CAMTA1: variants seen among roughly 807,000 people sequenced by gnomAD.
The protein encoded by CAMTA1 is calmodulin binding transcription activator 1.
A neutral mutation model predicts 170.9 loss-of-function variants in CAMTA1; 27 were observed. The ratio of observed to expected loss-of-function variants is 0.16; its 90% confidence interval spans 0.12 to 0.22. The LOEUF is 0.22. CAMTA1 is among the 10% of genes least tolerant of loss of function. The pLI, the probability that CAMTA1 is intolerant of heterozygous loss-of-function variation, is 1.00. For synonymous variants in CAMTA1, 833 were observed against 891.5 expected (o/e 0.93, Z 1.17); for missense variants, 1,619 against 2,217.2 (o/e 0.73, Z 5.42).
At chr1:7,024,966 A>G (rs1035013567) in intron 3 of CAMTA1, among the ~76,000 whole-genome samples, 2 of 152,162 alleles carry the variant, frequency 1.3e-5, no homozygotes, top group Non-Finnish European at 1.5e-5. Flanking sequence ...TGAGAAATGG[A>G]CAGCAAGAGA....
chr1:7,150,653 G>A (rs1646518784), intron 4 of CAMTA1, among the ~76,000 whole-genome samples: 1 of 152,014 alleles, frequency 6.6e-6, no homozygotes, highest in Non-Finnish European at 1.5e-5. Context: ...CCCTCACCGA[G>A]AACCACTGCT....
At chr1:7,554,083 A>C (rs1225977711) in intron 6 of CAMTA1, among the ~76,000 whole-genome samples, 1 of 149,496 alleles carries the variant, frequency 6.7e-6, no homozygotes, top group African/African-American at 2.4e-5. Flanking sequence ...AGAAGAGGGA[A>C]ATAAATGTAG....
At chr1:6,822,378 A>C (rs1237872622) in intron 2 of CAMTA1, among the ~76,000 whole-genome samples, 1 of 152,230 alleles carries the variant, frequency 6.6e-6, no homozygotes, top group Non-Finnish European at 1.5e-5. Context: ...CACCTGTAGA[A>C]ACACTGAAAT....
At position 7,289,377 on chromosome 1, in the gene CAMTA1, AC is replaced by A. The variant is rs1672790736; in HGVS notation, c.438+39752del. Among the ~76,000 whole-genome samples the A allele has an allele frequency of 2.6e-5, 4 of 152,314 alleles. No homozygotes were observed. The South Asian group carries it at 8.3e-4, about 32-fold the overall frequency. On this transcript the variant is annotated intron_variant, in intron 5 of 22. Coordinates refer to ENST00000303635, the MANE Select transcript of CAMTA1 (RefSeq NM_015215.4). ...TGGTTTCAAGATCCAGTCCCAGACGACAAAGGAAGACAAGAGGATGAGATAA... is the reference window on the plus strand; with the variant it reads ...TGGTTTCAAGATCCAGTCCCAGACGAAAAGGAAGACAAGAGGATGAGATAA...
chr1:7,232,098 G>C (rs981866698), intron 4 of CAMTA1, among the ~76,000 whole-genome samples: 1 of 152,226 alleles, frequency 6.6e-6, no homozygotes, highest in Non-Finnish European at 1.5e-5. Context: ...AGAGAGAGCG[G>C]GGCCTGTTAG....
chr1:7,722,205 TG>T (rs2096653981), intron 11 of CAMTA1, among the ~76,000 whole-genome samples: 1 of 152,226 alleles, frequency 6.6e-6, no homozygotes, highest in African/African-American at 2.4e-5. Context: ...TAGAACACAC[TG>T]TGGGTGTCTG....
intron 6 of CAMTA1, among the ~76,000 whole-genome samples, chr1:7,513,496 G>A (rs2094232308): frequency 6.6e-6 from 1 of 152,194 alleles, no homozygotes; most frequent in African/African-American, 2.4e-5. Context: ...GGCTGGAAGA[G>A]AGGGTCTGTC....
intron 1 of CAMTA1, among the ~76,000 whole-genome samples, chr1:6,795,630 TC>T (rs1259922517): frequency 6.6e-6 from 1 of 152,250 alleles, no homozygotes; most frequent in African/African-American, 2.4e-5. Context: ...TCTCTTTTTT[TC>T]TCCATTCCCT....
chr1:6,945,760 G>C (rs1687466692), intron 3 of CAMTA1, among the ~76,000 whole-genome samples: 1 of 152,110 alleles, frequency 6.6e-6, no homozygotes, highest in Non-Finnish European at 1.5e-5. Flanking sequence ...GAGATGTATG[G>C]TCTTTTGTGC....
At chr1:7,478,620 G>T (rs2093462909) in intron 6 of CAMTA1, among the ~76,000 whole-genome samples, 1 of 152,224 alleles carries the variant, frequency 6.6e-6, no homozygotes, top group African/African-American at 2.4e-5. Flanking sequence ...CGGCAGAGGG[G>T]TTTATGCCTC....
At chr1:7,571,279 C>G (rs1377353732) in intron 6 of CAMTA1, among the ~76,000 whole-genome samples, 1 of 152,202 alleles carries the variant, frequency 6.6e-6, no homozygotes, top group African/African-American at 2.4e-5. Context: ...GGATATCTCT[C>G]AGGCCTTTTT....
intron 5 of CAMTA1, among the ~76,000 whole-genome samples, chr1:7,379,154 T>C (rs936301995): frequency 6.6e-5 from 10 of 152,224 alleles, no homozygotes; most frequent in African/African-American, 2.4e-4. Context: ...TTCCCATTGC[T>C]ACCCAGTTTT....
chr1:6,953,571 C>A (rs1462282060), intron 3 of CAMTA1, among the ~76,000 whole-genome samples: 1 of 152,200 alleles, frequency 6.6e-6, no homozygotes, highest in East Asian at 1.9e-4. Flanking sequence ...GGGAGCCTGC[C>A]TGCTCCTGAA....
At chr1:7,198,833 G>C (rs982046451) in intron 4 of CAMTA1, among the ~76,000 whole-genome samples, 4 of 152,134 alleles carry the variant, frequency 2.6e-5, no homozygotes, top group Admixed American at 2.6e-4. Context: ...CTCCATTCCT[G>C]TAGTGAGTCT....
chr1:6,942,370 A>G (rs1372616642), intron 3 of CAMTA1, among the ~76,000 whole-genome samples: 1 of 152,224 alleles, frequency 6.6e-6, no homozygotes, highest in Admixed American at 6.5e-5. Context: ...GAGTTAAACC[A>G]TGGGCTCACT....
At chr1:7,567,080 C>A (rs1330449032) in intron 6 of CAMTA1, among the ~76,000 whole-genome samples, 4 of 152,218 alleles carry the variant, frequency 2.6e-5, no homozygotes. Context: ...GCTGAGTGAC[C>A]TTGGGGACGG....
Position 7,737,448 on chromosome 1 carries a change from G to A in CAMTA1, c.3536G>A (p.Arg1179Lys). The A allele has an allele frequency of 3.1e-6, 5 of 1,614,156 alleles. No homozygotes were observed. Among genetic ancestry groups the A allele is most frequent in the Non-Finnish European group, 4.2e-6 (5 of 1,179,984 alleles). The change falls in exon 15 of 23, where the codon AGA becomes AAA. Residue 1179 changes from arginine to lysine, a missense_variant. Coordinates refer to ENST00000303635, the MANE Select transcript of CAMTA1 (RefSeq NM_015215.4). ...CAGGCTCAGCTGGGACAGAACCCCA[G>A]AATCCACTGTCCTGCAAGCGAAGAG... ...DEQAQLGQNP[R>K]IHCPASEEPS... is the part of the protein sequence containing the mutation.
At chr1:7,189,117 A>T (rs1240879930) in intron 4 of CAMTA1, among the ~76,000 whole-genome samples, 1 of 152,210 alleles carries the variant, frequency 6.6e-6, no homozygotes, top group Non-Finnish European at 1.5e-5. Flanking sequence ...CTTTGGCTTC[A>T]TGCTCTCCTT....
rs1002468158 is a variant in CAMTA1, at chr1:7,634,132, G to T, written c.511-6268G>T. Reference sequence around the variant, plus strand: ...AACCACGCCTGCTGCTGTTTGAAGGGTGGGTTGGGGAAGGGAGGAGCAGAC... The same window carrying T: ...AACCACGCCTGCTGCTGTTTGAAGGTTGGGTTGGGGAAGGGAGGAGCAGAC... On this transcript the variant is annotated intron_variant, in intron 6 of 22. Coordinates refer to ENST00000303635, the MANE Select transcript of CAMTA1 (RefSeq NM_015215.4). This position sits in a 1 kb window ranked among gnomAD's most constrained non-coding sequence, Gnocchi z 6.2. Among the ~76,000 whole-genome samples the T allele has an allele frequency of 3.9e-5, 6 of 152,224 alleles. No homozygotes were observed. The highest frequency in any genetic ancestry group is 3.2e-3 in the Middle Eastern group (1 of 316).
Sources: allele counts gnomAD v4.1 joint callset (sites outside exome capture counted in the v4.1 genomes callset), GRCh38; gene constraint gnomAD v4.1.1; non-coding constraint Gnocchi (gnomAD v3.1); transcripts MANE v1.5; gene names NCBI Gene and HGNC (gene_info 2026-07-23, HGNC 2026-07-21).